The following OGG1 variants were observed in gnomAD, a reference collection of about 807,000 sequenced individuals.
OGG1 encodes 8-oxoguanine DNA glycosylase.
OGG1 carries 35 observed loss-of-function variants against 42.3 expected under a neutral mutation model. That is an observed-to-expected ratio of 0.83 (90% confidence interval 0.63 to 1.10). The LOEUF (loss-of-function observed/expected upper bound fraction) is 1.10. OGG1 is among the 50% of genes least tolerant of loss of function. The pLI is 0.00. For synonymous variants in OGG1, 189 were observed against 179.0 expected, an observed-to-expected ratio of 1.06 and a Z score of -0.44; for missense variants, 484 against 446.7, an observed-to-expected ratio of 1.08 and a Z score of -0.75.
At chr3:9,783,975 TG>T (rs1262555025) in intron 3 of OGG1, 1 of 1,564,652 alleles carries the variant, frequency 6.4e-7, no homozygotes, top group South Asian at 1.2e-5. Context: ...TGACTAGCCG[TG>T]GCCACAGCCT....
intron 3 of OGG1, among the ~76,000 whole-genome samples, chr3:9,784,524 G>A (rs909539714): frequency 2.6e-5 from 4 of 151,588 alleles, no homozygotes; most frequent in African/African-American, 4.9e-5. Context: ...CTAATCTTTT[G>A]CTACATATTA....
intron 2 of OGG1, among the ~76,000 whole-genome samples, chr3:9,773,748 A>G (rs776784058): frequency 2.6e-5 from 4 of 151,672 alleles, no homozygotes; most frequent in South Asian, 2.1e-4. Context: ...GCTGTGGTGC[A>G]GCGGCGCCAT....
intron 7 of OGG1, among the ~76,000 whole-genome samples, chr3:9,764,790 G>A (rs534986833): frequency 2.6e-5 from 4 of 151,748 alleles, no homozygotes; most frequent in East Asian, 2.0e-4. Flanking sequence ...GTGCCACCAC[G>A]CCTGGCTAAT....
At chr3:9,756,322 T>G in intron 4 of OGG1, 149 bp from the exon 5 acceptor site, 17 of 751,546 alleles carry the variant, frequency 2.3e-5, no homozygotes, top group South Asian at 1.7e-4. Context: ...AAAAAAAAAG[T>G]GTATTCATAG....
intron 1 of OGG1, chr3:9,750,720 C>T (rs1047916386): frequency 1.4e-6 from 1 of 701,086 alleles, no homozygotes. Flanking sequence ...AGCCTCGACC[C>T]CCCGGGCGCA....
At chr3:9,777,107 T>C (rs2078374559) in intron 2 of OGG1, among the ~76,000 whole-genome samples, 1 of 152,150 alleles carries the variant, frequency 6.6e-6, no homozygotes. Flanking sequence ...GGGGACCCAC[T>C]GTGGGTCAGA....
At chr3:9,770,986 CTTTCTTTCTTTCTTT>C (rs1340507353), downstream of OGG1, among the ~76,000 whole-genome samples, 1 of 151,888 alleles carries the variant, frequency 6.6e-6, no homozygotes, top group Admixed American at 6.6e-5. Flanking sequence ...TCCTTTTTCT[CTTTCTTTCTTTCTTT>C]TTTCTTTCTT....
intron 2 of OGG1, chr3:9,780,398 G>C (rs574551301): frequency 6.2e-7 from 1 of 1,613,680 alleles, no homozygotes; most frequent in East Asian, 2.2e-5. Context: ...CGCTCCTTCA[G>C]AGTCTTCCAG....
chr3:9,751,973 C>T, intron 3 of OGG1, 24 bp downstream of exon 3: 1 of 1,607,002 alleles, frequency 6.2e-7, no homozygotes, highest in Non-Finnish European at 8.5e-7. Context: ...TCCCCTGCCC[C>T]CAGGCCTTCC....
chr3:9,787,641 G>T, intron 3 of OGG1: 1 of 1,373,306 alleles, frequency 7.3e-7, no homozygotes, highest in Non-Finnish European at 9.7e-7. Flanking sequence ...CCTCTCGAGA[G>T]AATTAGGAGC....
At position 9,756,515 on chromosome 3, in the gene OGG1, T is replaced by C; in HGVS notation, c.792T>C (p.Ala264=). 6.2e-7 allele frequency: 1 copy of C among 1,614,210 alleles called. No individual in the cohort carries two copies. The part of the protein sequence containing the change: ...ICLMALDKPQ[A]VPVDVHMWHI... ...TGATGGCCCTAGACAAGCCCCAGGC[T>C]GTGCCCGTGGATGTCCATATGTGGC... Residue 264 remains alanine (A), a synonymous_variant, in exon 5 of 7, where the codon GCT becomes GCC. Coordinates refer to ENST00000344629, the MANE Select transcript of OGG1 (RefSeq NM_002542.6).
Position 9,763,155 on chromosome 3 carries a change from A to G in OGG1, c.1049-2654A>G. On this transcript the variant is annotated intron_variant, in intron 7 of 7. Coordinates refer to the OGG1 transcript ENST00000302008. Reference sequence around the variant, plus strand: ...GCCACTCACAGCTGCATGATGAGGTAGAGGTGGCCCCCACTCTCATAGATG... The same window carrying G: ...GCCACTCACAGCTGCATGATGAGGTGGAGGTGGCCCCCACTCTCATAGATG... 1 of 1,614,108 alleles carries G rather than the reference A, an allele frequency of 6.2e-7. No homozygotes were observed. The highest frequency in any genetic ancestry group is 8.5e-7 in the Non-Finnish European group (1 of 1,180,022).
intron 7 of OGG1, among the ~76,000 whole-genome samples, chr3:9,763,528 G>A (rs112380682): frequency 5.9e-5 from 9 of 152,044 alleles, no homozygotes; most frequent in African/African-American, 1.9e-4. Flanking sequence ...GGAAAAGCTA[G>A]CTTACCATGG....
In OGG1 at chr3:9,783,887, T is replaced by G. The variant is rs969936973; in HGVS notation, c.382+2287T>G. 5.0e-6 allele frequency: 7 copies of G among 1,396,380 alleles called. No individual in the cohort carries two copies. The African/African-American group carries it at 1.0e-4, about 20-fold the overall frequency. 86.5% of individuals were successfully genotyped at this position (1,396,380 alleles called of 1,614,324 possible). ...GGGACATACCCGGTGGACTGGCCAC[T>G]GCTGTTTTTTTCGAGGCTCTCCAGG... On this transcript the variant is annotated intron_variant, in intron 3 of 3. Coordinates refer to the OGG1 transcript ENST00000426518.
chr3:9,774,053 G>C (rs2078334931), intron 2 of OGG1, among the ~76,000 whole-genome samples: 1 of 152,074 alleles, frequency 6.6e-6, no homozygotes, highest in Non-Finnish European at 1.5e-5. Flanking sequence ...GAAAGAGTGA[G>C]TAGTTAACTA....
At chr3:9,759,838 C>T (rs1314552934), downstream of OGG1, 1 of 1,608,072 alleles carries the variant, frequency 6.2e-7, no homozygotes, top group Admixed American at 1.7e-5. Flanking sequence ...TCAGGTCTGG[C>T]CTGGCATCAA....
At chr3:9,771,045 T>A (rs1467912046), downstream of OGG1, among the ~76,000 whole-genome samples, 2 of 151,978 alleles carry the variant, frequency 1.3e-5, no homozygotes, top group African/African-American at 4.8e-5. Flanking sequence ...CTTTTTTTTT[T>A]AAGACAGGGT....
chr3:9,761,542 G>A (rs1163262271), downstream of OGG1: 2 of 1,613,518 alleles, frequency 1.2e-6, no homozygotes, highest in Non-Finnish European at 8.5e-7. Flanking sequence ...AGGGGCTGTG[G>A]AGGGAAGAGG....
intron 2 of OGG1, among the ~76,000 whole-genome samples, chr3:9,775,341 A>G (rs2078351271): frequency 6.6e-6 from 1 of 152,200 alleles, no homozygotes; most frequent in Admixed American, 6.6e-5. Context: ...TTTGCTATCA[A>G]ATGTATGGAG....
Sources: gnomAD v4.1 joint callset for allele counts (sites outside exome capture counted in the v4.1 genomes callset) on GRCh38, gnomAD v4.1.1 for gene constraint, MANE v1.5 for transcripts, NCBI Gene and HGNC (gene_info 2026-07-23, HGNC 2026-07-21) for gene names.